Variants in GADL1 observed in about 807,000 individuals in gnomAD.
The protein encoded by GADL1 is GAD like acidic amino acid decarboxylase 1.
A neutral mutation model predicts 69.5 loss-of-function variants in GADL1; 71 were observed. The ratio of observed to expected loss-of-function variants is 1.02; its 90% CI spans 0.84 to 1.25. The LOEUF is 1.25. Ranked by LOEUF, GADL1 falls within the 50% of genes most tolerant of loss-of-function variation. GADL1 has a pLI of 0.00. For synonymous variants in GADL1, 254 were observed against 214.4 expected (o/e 1.18, Z -1.62); for missense variants, 737 against 631.8 (o/e 1.17, Z -1.79).
At chr3:30,766,510 A>G (rs145481690) in intron 14 of GADL1, among the ~76,000 whole-genome samples, 759 of 152,296 alleles carry the variant, frequency 5.0e-3, no homozygotes, top group African/African-American at 0.018. Context: ...GTTTACATGT[A>G]CTATCCTATT....
At chr3:30,765,253 G>A (rs304836) in intron 14 of GADL1, among the ~76,000 whole-genome samples, 49,745 of 151,876 alleles carry the variant, frequency 0.33, 9,727 homozygotes, top group Non-Finnish European at 0.43. Context: ...GGTGGCTCTC[G>A]GCTCTTCCTG....
At chr3:30,888,577 T>C (rs973250122) in intron 1 of GADL1, among the ~76,000 whole-genome samples, 7 of 152,088 alleles carry the variant, frequency 4.6e-5, no homozygotes, top group Non-Finnish European at 1.0e-4. Context: ...TCCATACCTA[T>C]TATCCCCAAG....
chr3:30,861,309 A>AG (rs1408606815), intron 2 of GADL1, among the ~76,000 whole-genome samples: 1 of 129,336 alleles, frequency 7.7e-6, no homozygotes, highest in Admixed American at 9.1e-5. Context: ...TCTAGGGTGC[A>AG]GGAAGTTTCA....
Position 30,791,674 on chromosome 3 carries a change from C to T in GADL1, c.1251-5268G>A, listed in dbSNP as rs115032511. On this transcript the variant is annotated intron_variant, in intron 12 of 14. Coordinates refer to ENST00000282538, the MANE Select transcript of GADL1 (RefSeq NM_207359.3). ...CTTTGTGTTGGGGTAATGTTCCTAT[C>T]GCAGTCACTTTCAGAGCCTGTAAAG... Among the ~76,000 whole-genome samples the T allele has an allele frequency of 8.4e-3, 1,284 of 152,098 alleles. 16 individuals are homozygous for T. The highest frequency in any genetic ancestry group is 0.029 in the African/African-American group (1,204 of 41,498).
At chr3:30,771,438 C>G (rs972660683) in intron 14 of GADL1, among the ~76,000 whole-genome samples, 20 of 152,136 alleles carry the variant, frequency 1.3e-4, no homozygotes, top group African/African-American at 4.3e-4. Context: ...TCAGGACATT[C>G]ATTAGTTAAG....
At chr3:30,792,821 C>T (rs1330576310) in intron 12 of GADL1, among the ~76,000 whole-genome samples, 1 of 152,058 alleles carries the variant, frequency 6.6e-6, no homozygotes, top group Admixed American at 6.6e-5. Flanking sequence ...ATATTTTCCC[C>T]AGAAGTCTTC....
chr3:30,781,805 C>A (rs1020691385), intron 13 of GADL1, among the ~76,000 whole-genome samples: 2 of 152,150 alleles, frequency 1.3e-5, no homozygotes, highest in African/African-American at 4.8e-5. Flanking sequence ...TGGCACACAG[C>A]AAGCACTGGT....
At chr3:30,865,057 A>G (rs1175467192) in intron 1 of GADL1, among the ~76,000 whole-genome samples, 8 of 151,884 alleles carry the variant, frequency 5.3e-5, no homozygotes, top group Admixed American at 5.3e-4. Context: ...CCATTTCCCT[A>G]TTATCTCATG....
At chr3:30,882,032 C>G (rs1698649558) in intron 1 of GADL1, among the ~76,000 whole-genome samples, 1 of 151,852 alleles carries the variant, frequency 6.6e-6, no homozygotes, top group African/African-American at 2.4e-5. Flanking sequence ...TATAAATTAC[C>G]CATTCTGTGG....
Position 30,820,885 on chromosome 3 carries a change from T to C in GADL1, c.1050+12968A>G, listed in dbSNP as rs549346112. On this transcript the variant is annotated intron_variant, in intron 11 of 14. Coordinates refer to ENST00000282538, the MANE Select transcript of GADL1 (RefSeq NM_207359.3). ...GACACATGCACATGTATGTTTATTG[T>C]GGCACTATTCACAATAGCAAAGACT... Among the ~76,000 whole-genome samples the C allele has an allele frequency of 1.3e-3, 197 of 151,856 alleles. 2 individuals are homozygous for C. The South Asian group carries it at 0.017, about 13-fold the overall frequency.
chr3:30,859,937 C>T (rs114403142), intron 2 of GADL1, among the ~76,000 whole-genome samples: 3 of 151,784 alleles, frequency 2.0e-5, no homozygotes, highest in Non-Finnish European at 4.4e-5. Flanking sequence ...ATCTTAAGAT[C>T]TTCCGTTTCT....
At chr3:30,837,205 T>G (rs765893795) in intron 9 of GADL1, among the ~76,000 whole-genome samples, 25 of 152,118 alleles carry the variant, frequency 1.6e-4, no homozygotes, top group Non-Finnish European at 2.8e-4. Flanking sequence ...CTAGAAGATT[T>G]CAAACAGGTC....
chr3:30,843,483 C>T (rs1698003708), intron 8 of GADL1, among the ~76,000 whole-genome samples: 1 of 151,966 alleles, frequency 6.6e-6, no homozygotes, highest in African/African-American at 2.4e-5. Context: ...GGCTAGATCT[C>T]CTGACCTCAT....
chr3:30,773,322 T>C (rs1696461117), intron 14 of GADL1, among the ~76,000 whole-genome samples: 4 of 152,174 alleles, frequency 2.6e-5, no homozygotes. Context: ...GGTTAAAACC[T>C]GGATAACTTT....
At chr3:30,771,117 T>C (rs531754153) in intron 14 of GADL1, among the ~76,000 whole-genome samples, 1 of 152,312 alleles carries the variant, frequency 6.6e-6, no homozygotes, top group African/African-American at 2.4e-5. Context: ...CAGTGGAGTA[T>C]ATTTAGAAAG....
chr3:30,870,070 T>A (rs770191680), intron 1 of GADL1, among the ~76,000 whole-genome samples: 2 of 151,850 alleles, frequency 1.3e-5, no homozygotes, highest in Non-Finnish European at 2.9e-5. Context: ...GTGCCTATTA[T>A]GTATAGAACT....
chr3:30,850,791 G>A (rs749020557), intron 5 of GADL1, 44 bp downstream of exon 5: 8 of 1,129,588 alleles, frequency 7.1e-6, no homozygotes, highest in African/African-American at 4.7e-5. Flanking sequence ...AAATTTTTAC[G>A]TGGTTGTATT....
chr3:30,757,225 A>C (rs1695995887), intron 14 of GADL1, among the ~76,000 whole-genome samples: 1 of 152,164 alleles, frequency 6.6e-6, no homozygotes, highest in African/African-American at 2.4e-5. Flanking sequence ...CAAATATCTA[A>C]GTATGCTGTC....
chr3:30,767,736 T>TA (rs545258313), intron 14 of GADL1, among the ~76,000 whole-genome samples: 3 of 152,086 alleles, frequency 2.0e-5, no homozygotes, highest in Non-Finnish European at 2.9e-5. Context: ...TTTGAATACA[T>TA]AAAAAATTTA....
Sources: gnomAD v4.1 joint callset for allele counts (sites outside exome capture counted in the v4.1 genomes callset) on GRCh38, gnomAD v4.1.1 for gene constraint, MANE v1.5 for transcripts, NCBI Gene and HGNC (gene_info 2026-07-23, HGNC 2026-07-21) for gene names.